The following CRTC3 variants were observed in gnomAD, a reference collection of about 807,000 sequenced individuals.
CRTC3 encodes CREB regulated transcription coactivator 3.
Under a neutral mutation model 74.5 loss-of-function variants are expected in CRTC3, and 26 were observed. The ratio of observed to expected loss-of-function variants is 0.35; its 90% CI spans 0.26 to 0.48. CRTC3 has a LOEUF of 0.48. CRTC3 is among the 20% of genes least tolerant of loss of function. CRTC3 has a pLI of 0.99. For synonymous variants in CRTC3, 377 were observed against 325.8 expected (o/e 1.16, Z -1.69); for missense variants, 760 against 787.3 (o/e 0.97, Z 0.41).
At chr15:90,574,463 C>T (rs1362682731) in intron 2 of CRTC3, among the ~76,000 whole-genome samples, 3 of 151,806 alleles carry the variant, frequency 2.0e-5, no homozygotes, top group African/African-American at 7.2e-5. Context: ...GGTGACAGAG[C>T]GAGACTCTGT....
rs6145675 is a variant in CRTC3 at position 90,556,958 on chromosome 15, CTATATATATATATATATATA to C, written c.231+16843_231+16862del. On this transcript the variant is annotated intron_variant, in intron 2 of 14. Coordinates refer to ENST00000268184, the MANE Select transcript of CRTC3 (RefSeq NM_022769.5). Reference sequence around the variant, plus strand: ...TATTCTCTTTATAATCACCACATGGCTATATATATATATATATATATATATATATATATATATATATCTTT... The same window carrying C: ...TATTCTCTTTATAATCACCACATGGCTATATATATATATATATATATCTTT... 2.8e-3 allele frequency among the ~76,000 whole-genome samples: 370 copies of C among 130,360 alleles called. 3 individuals are homozygous for C. Among genetic ancestry groups the C allele is most frequent in the African/African-American group, 5.4e-3 (175 of 32,366 alleles). The allele number at this position is 130,360 out of a possible 152,430, so 85.5% of individuals were successfully genotyped here. A position where few individuals can be genotyped will look rare whatever the true frequency, so the allele number is the denominator to read the frequency against.
At chr15:90,549,497 T>C (rs1482843875) in intron 2 of CRTC3, among the ~76,000 whole-genome samples, 1 of 152,136 alleles carries the variant, frequency 6.6e-6, no homozygotes, top group Admixed American at 6.5e-5. Flanking sequence ...TCAGGCAGGC[T>C]GGGTACCATG....
Position 90,641,994 on chromosome 15 carries a change from A to G in CRTC3, c.1714A>G (p.Ser572Gly), listed in dbSNP as rs778891987. The G allele has an allele frequency of 6.2e-7, 1 of 1,613,916 alleles. No homozygotes were observed. Residue 572 changes from serine to glycine, a missense_variant, in exon 15 of 15, where the codon AGC (serine) becomes GGC (glycine). Transcript: ENST00000268184. Reference sequence around the variant, plus strand: ...TGCGCTGGCAGGCCTGCCTGAGGTCAGCCTGAACGTGGACACTCCATTTCC... The same window carrying G: ...TGCGCTGGCAGGCCTGCCTGAGGTCGGCCTGAACGTGGACACTCCATTTCC... ...NSALAGLPEV[S>G]LNVDTPFPLE...
At position 90,638,769 on chromosome 15, in the gene CRTC3, G is replaced by C. The variant is rs774608138; in HGVS notation, c.1502G>C (p.Gly501Ala). Residue 501 changes from glycine to alanine, a missense_variant, in exon 13 of 15, where the codon GGT (glycine) becomes GCT (alanine). Gly to Ala is a moderately conservative substitution (Grantham distance 60). This residue lies in a region of CRTC3 where 652 missense variants were observed against 635.2 expected (regional missense o/e 1.03). Coordinates refer to ENST00000268184, the MANE Select transcript of CRTC3 (RefSeq NM_022769.5). Reference sequence around the variant, plus strand: ...TTGACCAACTTCTTCCCAGATGTGGGTTTTGACCAGCAGTCCATGAGGCCA... The same window carrying C: ...TTGACCAACTTCTTCCCAGATGTGGCTTTTGACCAGCAGTCCATGAGGCCA... ...SSLTNFFPDVGFDQQSMRPGP... is the reference protein window; with the variant it reads ...SSLTNFFPDVAFDQQSMRPGP... 23 of 1,614,184 alleles carry C rather than the reference G, an allele frequency of 1.4e-5. No individual in the cohort carries two copies. The highest frequency in any genetic ancestry group is 3.3e-5 in the South Asian group (3 of 91,086).
At chr15:90,593,354 G>C (rs1464110613) in intron 2 of CRTC3, among the ~76,000 whole-genome samples, 1 of 152,112 alleles carries the variant, frequency 6.6e-6, no homozygotes, top group Non-Finnish European at 1.5e-5. Flanking sequence ...TTTAGTATAT[G>C]AGTTCACCGT....
intron 2 of CRTC3, among the ~76,000 whole-genome samples, chr15:90,588,748 C>T (rs1435768021): frequency 6.6e-6 from 1 of 152,150 alleles, no homozygotes; most frequent in Non-Finnish European, 1.5e-5. Context: ...AATAGTGATG[C>T]TGCTGCTCCT....
chr15:90,550,326 C>T (rs1966852575), intron 2 of CRTC3, among the ~76,000 whole-genome samples: 1 of 151,346 alleles, frequency 6.6e-6, no homozygotes, highest in African/African-American at 2.4e-5. Flanking sequence ...ACTTGGGAGG[C>T]TTGAACCCGG....
intron 2 of CRTC3, among the ~76,000 whole-genome samples, chr15:90,585,658 T>TTGTGATTTTTCA (rs1202057137): frequency 2.0e-5 from 3 of 152,186 alleles, no homozygotes; most frequent in Non-Finnish European, 4.4e-5. Context: ...TCACTTCAGC[T>TTGTGATTTTTCA]CTCTGTACCT....
At chr15:90,583,370 T>C (rs1011959616) in intron 2 of CRTC3, among the ~76,000 whole-genome samples, 7 of 152,224 alleles carry the variant, frequency 4.6e-5, no homozygotes, top group African/African-American at 1.7e-4. Flanking sequence ...GACATGGTGA[T>C]AGGCCAGGTC....
chr15:90,636,790 GAC>G (rs1324441993), intron 11 of CRTC3, among the ~76,000 whole-genome samples: 1 of 152,162 alleles, frequency 6.6e-6, no homozygotes, highest in Non-Finnish European at 1.5e-5. Flanking sequence ...GCAGCTAAAA[GAC>G]ACATGAAAAA....
At chr15:90,573,026 A>G (rs1187685893) in intron 2 of CRTC3, among the ~76,000 whole-genome samples, 2 of 152,214 alleles carry the variant, frequency 1.3e-5, no homozygotes, top group Admixed American at 1.3e-4. Context: ...CATCTTGCAA[A>G]GCAGAAACTC....
chr15:90,596,046 A>C (rs533343871), intron 3 of CRTC3: 1 of 152,320 alleles, frequency 6.6e-6, no homozygotes, highest in Non-Finnish European at 1.5e-5. Flanking sequence ...TCCTGGGGGA[A>C]CATCTGAGGC....
At chr15:90,589,427 C>G (rs1300429638) in intron 2 of CRTC3, among the ~76,000 whole-genome samples, 13 of 151,974 alleles carry the variant, frequency 8.6e-5, no homozygotes, top group African/African-American at 3.2e-4. Flanking sequence ...TCATAGTTCA[C>G]TGTAGCCTGA....
At chr15:90,632,142 C>T (rs1347108327) in intron 11 of CRTC3, among the ~76,000 whole-genome samples, 3 of 148,664 alleles carry the variant, frequency 2.0e-5, no homozygotes, top group South Asian at 2.1e-4. Context: ...TTATTGTTTT[C>T]GTGGTTCTTA....
intron 11 of CRTC3, among the ~76,000 whole-genome samples, chr15:90,633,473 G>A (rs1596146385): frequency 6.6e-6 from 1 of 152,158 alleles, no homozygotes; most frequent in Non-Finnish European, 1.5e-5. Flanking sequence ...TTTGTAAGTT[G>A]CATTGAGAAA....
At chr15:90,545,944 G>A (rs1226266454) in intron 2 of CRTC3, among the ~76,000 whole-genome samples, 2 of 152,050 alleles carry the variant, frequency 1.3e-5, no homozygotes, top group African/African-American at 4.8e-5. Flanking sequence ...ATATATTCTG[G>A]ATACCAGTTC....
intron 4 of CRTC3, among the ~76,000 whole-genome samples, chr15:90,602,971 T>C (rs184941558): frequency 6.6e-5 from 10 of 151,506 alleles, no homozygotes; most frequent in Admixed American, 6.6e-4. Flanking sequence ...AGACTCCATC[T>C]CAAAAAACAA....
intron 10 of CRTC3, among the ~76,000 whole-genome samples, chr15:90,626,460 T>TAGAAATCCCCCACAGTTCCAGTTAA (rs1968836847): frequency 2.6e-5 from 4 of 152,206 alleles, no homozygotes; most frequent in Admixed American, 2.0e-4. Flanking sequence ...GTGTGTGAAG[T>TAGAAATCCCCCACAGTTCCAGTTAA]AGAAATCCCC....
chr15:90,633,106 A>C (rs917857646), intron 11 of CRTC3, among the ~76,000 whole-genome samples: 1 of 152,216 alleles, frequency 6.6e-6, no homozygotes, highest in African/African-American at 2.4e-5. Flanking sequence ...GCAATACTCA[A>C]TATTTAGTGT....
Sources: gnomAD v4.1 joint callset for allele counts (sites outside exome capture counted in the v4.1 genomes callset) on GRCh38, gnomAD v4.1.1 for gene constraint, gnomAD v4.1.1 regional missense constraint, MANE v1.5 for transcripts, NCBI Gene and HGNC (gene_info 2026-07-23, HGNC 2026-07-21) for gene names.